PHLDB2: variants seen among roughly 807,000 people sequenced by gnomAD.
The protein encoded by PHLDB2 is pleckstrin homology like domain family B member 2.
Under a neutral mutation model 123.6 loss-of-function variants are expected in PHLDB2, and 71 were observed. The ratio of observed to expected loss-of-function variants is 0.57; its 90% CI spans 0.47 to 0.70. The LOEUF (loss-of-function observed/expected upper bound fraction) is 0.70. PHLDB2 is among the 30% of genes least tolerant of loss of function. The pLI is 0.00. For missense variants in PHLDB2, 1,446 were observed against 1,519.5 expected (o/e 0.95, Z 0.80); for synonymous variants, 547 against 541.6 (o/e 1.01, Z -0.14).
intron 1 of PHLDB2, among the ~76,000 whole-genome samples, chr3:111,835,506 T>C (rs188486139): frequency 3.3e-5 from 5 of 152,144 alleles, no homozygotes. Flanking sequence ...CCTCTGTCAA[T>C]AGCTGGTGAA....
intron 2 of PHLDB2, among the ~76,000 whole-genome samples, chr3:111,853,524 T>A (rs180756181): frequency 2.1e-4 from 32 of 152,290 alleles, no homozygotes; most frequent in African/African-American, 7.0e-4. Context: ...GGGTGTTCTT[T>A]TTGTGCTGTC....
intron 1 of PHLDB2, among the ~76,000 whole-genome samples, chr3:111,801,600 A>T (rs2061380917): frequency 6.6e-6 from 1 of 152,242 alleles, no homozygotes; most frequent in African/African-American, 2.4e-5. Flanking sequence ...TAGGTGAAGG[A>T]TGGATGACCA....
intron 1 of PHLDB2, among the ~76,000 whole-genome samples, chr3:111,861,016 A>G (rs2064808309): frequency 6.6e-6 from 1 of 152,156 alleles, no homozygotes; most frequent in African/African-American, 2.4e-5. Context: ...TGTCTCTGGG[A>G]TTCTAACGTT....
At chr3:111,893,105 A>T (rs897881334) in intron 2 of PHLDB2, among the ~76,000 whole-genome samples, 10 of 152,044 alleles carry the variant, frequency 6.6e-5, no homozygotes, top group Non-Finnish European at 1.3e-4. Flanking sequence ...CCCCCCCAAA[A>T]TAAGTTGGGC....
At chr3:111,742,531 A>G (rs1156314284) in intron 1 of PHLDB2, among the ~76,000 whole-genome samples, 2 of 151,972 alleles carry the variant, frequency 1.3e-5, no homozygotes, top group East Asian at 1.9e-4. Context: ...TCATTGTTCA[A>G]TTCCCACCTA....
chr3:111,786,945 G>A (rs2060702883), intron 1 of PHLDB2, among the ~76,000 whole-genome samples: 1 of 151,936 alleles, frequency 6.6e-6, no homozygotes, highest in African/African-American at 2.4e-5. Context: ...AAAAACCAGA[G>A]GTTAAATCCA....
At chr3:111,901,662 CAA>C (rs974927064) in intron 2 of PHLDB2, among the ~76,000 whole-genome samples, 1 of 152,070 alleles carries the variant, frequency 6.6e-6, no homozygotes, top group African/African-American at 2.4e-5. Context: ...AAGAAGCAAA[CAA>C]GATCTTCTGG....
intron 13 of PHLDB2, among the ~76,000 whole-genome samples, chr3:111,965,145 TCTTG>T (rs1391139328): frequency 1.3e-5 from 2 of 152,372 alleles, no homozygotes; most frequent in African/African-American, 4.8e-5. Flanking sequence ...TCCCTTGGAT[TCTTG>T]CTAGCTGAAG....
rs2072461586 is a variant in PHLDB2, at chr3:111,975,629, ATGTAT to A, written c.*1068_*1072del. On this transcript the variant is annotated 3_prime_UTR_variant, in exon 18 of 18. Transcript: ENST00000431670. ...GAAGTTCAACTTAATATTCTCTATA[ATGTAT>A]TATTTTATTTTATTTTTTACAATTA... 6.6e-6 allele frequency: 1 copy of A among 152,534 alleles called. No individual in the cohort carries two copies. The highest frequency in any genetic ancestry group is 2.1e-4 in the South Asian group (1 of 4,836). 9.4% of individuals were successfully genotyped at this position (152,534 alleles called of 1,614,324 possible). A position where few individuals can be genotyped will look rare whatever the true frequency, so the allele number is the denominator to read the frequency against.
chr3:111,808,759 G>T (rs1382772445), intron 1 of PHLDB2, among the ~76,000 whole-genome samples: 1 of 152,070 alleles, frequency 6.6e-6, no homozygotes, highest in African/African-American at 2.4e-5. Flanking sequence ...GCCCTCTTTG[G>T]TCTTCAAATA....
chr3:111,964,587 C>G (rs891295142), intron 13 of PHLDB2, among the ~76,000 whole-genome samples: 5 of 151,984 alleles, frequency 3.3e-5, no homozygotes, highest in African/African-American at 1.2e-4. Context: ...GGTAATCCAC[C>G]CAACTTGGCC....
At chr3:111,740,908 A>G (rs1457804068) in intron 1 of PHLDB2, among the ~76,000 whole-genome samples, 3 of 151,960 alleles carry the variant, frequency 2.0e-5, no homozygotes, top group East Asian at 1.9e-4. Flanking sequence ...TTAAAAAAAA[A>G]AAAAAAGAAA....
chr3:111,880,436 A>T (rs1249782246), intron 1 of PHLDB2, among the ~76,000 whole-genome samples: 1 of 152,100 alleles, frequency 6.6e-6, no homozygotes, highest in Non-Finnish European at 1.5e-5. Context: ...GTACTTCCTG[A>T]CTCCAGGGAC....
chr3:111,884,941 A>G lies in PHLDB2; in HGVS notation c.864A>G (p.Glu288=). 6.2e-7 allele frequency: 1 copy of G among 1,614,144 alleles called. No individual in the cohort carries two copies. Among genetic ancestry groups the G allele is most frequent in the East Asian group, 2.2e-5 (1 of 44,872 alleles). Residue 288 remains glutamate, a synonymous_variant, in exon 2 of 18, where the codon GAA becomes GAG. Transcript: ENST00000431670. ...LGNSKRTKLG[E]KDLPHSVIDN... ...ATTCCAAACGAACAAAACTTGGGGA[A>G]AAGGATCTACCTCATAGCGTAATAG...
intron 1 of PHLDB2, among the ~76,000 whole-genome samples, chr3:111,803,212 G>A (rs1346393283): frequency 6.6e-6 from 1 of 152,214 alleles, no homozygotes; most frequent in Non-Finnish European, 1.5e-5. Flanking sequence ...TCGTTAAGCT[G>A]TGAAGCAGAG....
intron 13 of PHLDB2, among the ~76,000 whole-genome samples, chr3:111,962,929 CAAAA>C (rs57625439): frequency 0.013 from 1,203 of 93,798 alleles, 9 homozygotes; most frequent in African/African-American, 0.029. Flanking sequence ...AACTCCATCT[CAAAA>C]AAAAAAAAAA....
At chr3:111,835,510 T>A (rs566254558) in intron 1 of PHLDB2, among the ~76,000 whole-genome samples, 3 of 152,158 alleles carry the variant, frequency 2.0e-5, no homozygotes, top group Non-Finnish European at 2.9e-5. Flanking sequence ...TGTCAATAGC[T>A]GGTGAAAATA....
chr3:111,872,162 C>T (rs1266785163), intron 1 of PHLDB2, among the ~76,000 whole-genome samples: 8 of 152,200 alleles, frequency 5.3e-5, no homozygotes, highest in South Asian at 4.1e-4. Context: ...CAGATGCATT[C>T]GCTTCTCCCA....
At chr3:111,786,674 C>T (rs551504207) in intron 1 of PHLDB2, among the ~76,000 whole-genome samples, 1 of 152,234 alleles carries the variant, frequency 6.6e-6, no homozygotes, top group East Asian at 1.9e-4. Context: ...GGCCCTCCCA[C>T]CCAATGATAA....
Sources: gnomAD v4.1 joint callset for allele counts (sites outside exome capture counted in the v4.1 genomes callset) on GRCh38, gnomAD v4.1.1 for gene constraint, MANE v1.5 for transcripts, NCBI Gene and HGNC (gene_info 2026-07-23, HGNC 2026-07-21) for gene names.